Variants in MEGF10 observed in about 807,000 individuals in gnomAD.
The protein encoded by MEGF10 is multiple EGF like domains 10, also known as multiple epidermal growth factor-like domains protein 10.
Under a neutral mutation model 147.5 loss-of-function variants are expected in MEGF10, and 86 were observed. The observed-to-expected ratio is 0.58, with a 90% CI of 0.49 to 0.70. The LOEUF is 0.70. MEGF10 is among the 30% of genes least tolerant of loss of function. The pLI, the probability that MEGF10 is intolerant of heterozygous loss-of-function variation, is 0.00. For synonymous variants in MEGF10, 478 were observed against 525.5 expected (o/e 0.91, Z 1.24); for missense variants, 1,329 against 1,487.3 (o/e 0.89, Z 1.75).
the MEGF10 span, among the ~76,000 whole-genome samples, chr5:127,254,839 A>T: frequency 6.6e-6 from 1 of 151,598 alleles, no homozygotes; most frequent in Non-Finnish European, 1.5e-5. Flanking sequence ...TTTGTTATTG[A>T]TATTGATATC....
the MEGF10 span, among the ~76,000 whole-genome samples, chr5:127,237,095 A>G: frequency 1.3e-5 from 2 of 152,176 alleles, no homozygotes; most frequent in Non-Finnish European, 2.9e-5. Flanking sequence ...ATATTTTTCC[A>G]TTTGTGGAAG....
the MEGF10 span, among the ~76,000 whole-genome samples, chr5:127,246,012 G>C: frequency 2.2e-4 from 33 of 152,292 alleles, no homozygotes; most frequent in East Asian, 6.4e-3. Flanking sequence ...TGGTGGGAGT[G>C]TAAATTAGTT....
In MEGF10 at chr5:127,420,064, T is replaced by C; in HGVS notation, c.1447T>C (p.Ser483Pro). ...CACAGGCTGGCACGGGGTGGACTGC[T>C]CCATCAGATGTCCCAGTGGCACATG... Reference protein sequence around the residue: ...CKAGWHGVDCSIRCPSGTWGF... With the variant: ...CKAGWHGVDCPIRCPSGTWGF... The change falls in exon 12 of 25, where the codon TCC (serine) becomes CCC (proline). Residue 483 changes from serine to proline, a missense_variant. This residue lies in a region of MEGF10 where 980 missense variants were observed against 1,085.9 expected (regional missense o/e 0.90). Transcript: ENST00000503335. 1.9e-6 allele frequency: 3 copies of C among 1,614,164 alleles called. No homozygotes were observed. The highest frequency in any genetic ancestry group is 2.5e-6 in the Non-Finnish European group (3 of 1,180,038).
intron 1 of MEGF10, among the ~76,000 whole-genome samples, chr5:127,325,857 A>G (rs993524022): frequency 7.7e-5 from 10 of 129,318 alleles, no homozygotes; most frequent in South Asian, 2.2e-4. Flanking sequence ...ATATGTGTGT[A>G]TATATATATA....
intron 4 of MEGF10, among the ~76,000 whole-genome samples, chr5:127,353,641 C>G (rs1762167243): frequency 6.6e-6 from 1 of 152,214 alleles, no homozygotes; most frequent in Non-Finnish European, 1.5e-5. Context: ...AGTCCAGCTC[C>G]CATTCTCTTT....
rs1252870638 is a variant in MEGF10 at position 127,438,476 on chromosome 5, C to A, written c.2142C>A (p.His714Gln). ...CCCACTGGGGCCCAAACTGCATCCA[C>A]ACGTGCAACTGCCATAATGGAGCTT... Reference protein sequence around the residue: ...PPAHWGPNCIHTCNCHNGAFC... With the variant: ...PPAHWGPNCIQTCNCHNGAFC... Residue 714 changes from histidine (H) to glutamine (Q), a missense_variant, in exon 17 of 25, where the codon CAC becomes CAA. Physicochemically the swap from His to Gln is conservative, Grantham distance 24. Transcript: ENST00000503335. The A allele has an allele frequency of 1.9e-6, 3 of 1,614,048 alleles. No homozygotes were observed. The African/African-American group carries it at 4.0e-5, about 22-fold the overall frequency.
At chr5:127,281,610 TG>T in the MEGF10 span, among the ~76,000 whole-genome samples, 1 of 152,220 alleles carries the variant, frequency 6.6e-6, no homozygotes, top group Admixed American at 6.5e-5. Flanking sequence ...TCGTCTTTTC[TG>T]TATCTCCTGG....
intron 1 of MEGF10, among the ~76,000 whole-genome samples, chr5:127,318,334 T>C (rs1760647095): frequency 6.6e-6 from 1 of 152,164 alleles, no homozygotes; most frequent in Non-Finnish European, 1.5e-5. Flanking sequence ...ATTGTATCTT[T>C]ACAGTAAAAA....
intron 4 of MEGF10, among the ~76,000 whole-genome samples, chr5:127,368,408 C>T (rs1762729687): frequency 6.6e-6 from 1 of 152,118 alleles, no homozygotes; most frequent in African/African-American, 2.4e-5. Flanking sequence ...TTGTGTTTTC[C>T]AAAATTTATG....
the MEGF10 span, among the ~76,000 whole-genome samples, chr5:127,246,847 TA>T: frequency 8.5e-4 from 1 of 1,174 alleles, no homozygotes; most frequent in Non-Finnish European, 3.5e-3. Context: ...ATATAATTTA[TA>T]AATGTTTAAA....
intron 4 of MEGF10, among the ~76,000 whole-genome samples, chr5:127,344,411 A>C (rs1761795363): frequency 6.6e-6 from 1 of 152,230 alleles, no homozygotes; most frequent in Admixed American, 6.5e-5. Context: ...GCTTTGAGAA[A>C]TTAAATAACT....
At chr5:127,265,552 C>A in the MEGF10 span, among the ~76,000 whole-genome samples, 3 of 152,128 alleles carry the variant, frequency 2.0e-5, no homozygotes, top group East Asian at 1.9e-4. Context: ...TAAAAGTGTT[C>A]CTATTTCTCC....
chr5:127,370,075 T>G (rs780778994), intron 5 of MEGF10, 73 bp downstream of exon 5: 6 of 1,119,176 alleles, frequency 5.4e-6, no homozygotes, highest in African/African-American at 1.5e-5. Flanking sequence ...CAGATGACCC[T>G]GAGCCATGCT....
the MEGF10 span, among the ~76,000 whole-genome samples, chr5:127,246,652 TA>T: frequency 2.7e-5 from 4 of 149,752 alleles, no homozygotes; most frequent in Non-Finnish European, 5.9e-5. Context: ...GTCTAAAGAG[TA>T]GTTTGTAATG....
Position 127,447,697 on chromosome 5 carries a change from G to C in MEGF10, c.2856+13G>C. ...GACTGTCACGAAGGTGAGAGGAATT[G>C]GTTCAAGTCTTTGGAAGTGGGCTGG... On this transcript the variant is annotated intron_variant, in intron 21 of 24. Transcript: ENST00000503335. The C allele has an allele frequency of 6.2e-7, 1 of 1,613,920 alleles. No homozygotes were observed. The highest frequency in any genetic ancestry group is 8.5e-7 in the Non-Finnish European group (1 of 1,179,874).
intron 1 of MEGF10, among the ~76,000 whole-genome samples, chr5:127,322,757 G>C (rs1561570346): frequency 6.6e-6 from 1 of 152,114 alleles, no homozygotes; most frequent in Non-Finnish European, 1.5e-5. Context: ...TAGGTCTATG[G>C]ATTAAATTGG....
rs968834968 is a variant in MEGF10, at chr5:127,458,642, G to A, written c.*1324G>A. Reference sequence around the variant, plus strand: ...ATTAAAATTGGTCGTTACTAAAATAGTATAGTAACCACAAGTGATTGGCTT... The same window carrying A: ...ATTAAAATTGGTCGTTACTAAAATAATATAGTAACCACAAGTGATTGGCTT... On this transcript the variant is annotated 3_prime_UTR_variant, in exon 25 of 25. Coordinates refer to ENST00000503335, the MANE Select transcript of MEGF10 (RefSeq NM_001256545.2). The A allele has an allele frequency of 1.3e-5, 2 of 152,084 alleles. No individual in the cohort carries two copies. The highest frequency in any genetic ancestry group is 2.9e-5 in the Non-Finnish European group (2 of 68,016). The allele number at this position is 152,084 out of a possible 1,614,324, so 9.4% of individuals were successfully genotyped here.
chr5:127,398,634 C>T (rs751914291), intron 6 of MEGF10, 42 bp from the exon 7 acceptor site: 4 of 1,612,688 alleles, frequency 2.5e-6, no homozygotes, highest in Non-Finnish European at 2.5e-6. Context: ...GGTCATGTGT[C>T]TGGGAAATAA....
chr5:127,261,263 A>T, the MEGF10 span, among the ~76,000 whole-genome samples: 7 of 151,918 alleles, frequency 4.6e-5, no homozygotes, highest in African/African-American at 2.4e-5. Context: ...ATCCCCTTAT[A>T]CCCCACTGTC....
Sources: allele counts gnomAD v4.1 joint callset (sites outside exome capture counted in the v4.1 genomes callset), GRCh38; gene constraint gnomAD v4.1.1; regional missense constraint gnomAD v4.1.1; transcripts MANE v1.5; gene names NCBI Gene and HGNC (gene_info 2026-07-23, HGNC 2026-07-21).